The following DNAJC13 variants were observed in gnomAD, a reference collection of about 807,000 sequenced individuals.
DNAJC13 encodes dnaJ homolog subfamily C member 13.
A neutral mutation model predicts 290.5 loss-of-function variants in DNAJC13; 75 were observed. The observed-to-expected ratio is 0.26, with a 90% CI of 0.21 to 0.31. The LOEUF is 0.31. Ranked by LOEUF, DNAJC13 falls within the 10% of genes least tolerant of loss-of-function variation. The probability of loss-of-function intolerance (pLI) is 1.00; values close to 1 mark genes in which losing one functional copy is unlikely to be tolerated. For synonymous variants in DNAJC13, 862 were observed against 892.0 expected, an observed-to-expected ratio of 0.97 and a Z score of 0.60; for missense variants, 2,260 against 2,674.5, an observed-to-expected ratio of 0.85 and a Z score of 3.42.
intron 1 of DNAJC13, among the ~76,000 whole-genome samples, chr3:132,426,129 A>AT (rs1466768515): frequency 2.6e-5 from 4 of 152,208 alleles, no homozygotes; most frequent in Non-Finnish European, 2.9e-5. Flanking sequence ...ATGCAGTAGT[A>AT]TTCATTGAGA....
At chr3:132,529,088 C>G (rs1055463825) in intron 54 of DNAJC13, among the ~76,000 whole-genome samples, 4 of 152,110 alleles carry the variant, frequency 2.6e-5, no homozygotes, top group African/African-American at 7.2e-5. Flanking sequence ...CACCTCTGTA[C>G]CCATTCAGCA....
chr3:132,449,921 G>A (rs371518295), intron 5 of DNAJC13, among the ~76,000 whole-genome samples: 10 of 151,662 alleles, frequency 6.6e-5, no homozygotes, highest in Admixed American at 2.0e-4. Flanking sequence ...TTCTTCTTCC[G>A]TATCGCATCA....
chr3:132,449,709 A>C (rs991725206), intron 5 of DNAJC13, among the ~76,000 whole-genome samples: 3 of 152,128 alleles, frequency 2.0e-5, no homozygotes, highest in African/African-American at 7.2e-5. Context: ...ATAATTTCTT[A>C]TTTCAGTATC....
At chr3:132,518,351 G>A (rs1201977248) in intron 48 of DNAJC13, among the ~76,000 whole-genome samples, 4 of 152,132 alleles carry the variant, frequency 2.6e-5, no homozygotes, top group East Asian at 3.9e-4. Context: ...AACCGGGGTC[G>A]GTAAATTTTT....
chr3:132,518,288 T>G (rs897370294), intron 48 of DNAJC13, among the ~76,000 whole-genome samples: 1 of 152,240 alleles, frequency 6.6e-6, no homozygotes, highest in Admixed American at 6.5e-5. Context: ...ACACTTAAAC[T>G]TTCTGTATAG....
intron 20 of DNAJC13, among the ~76,000 whole-genome samples, chr3:132,468,589 C>T (rs1294416656): frequency 6.6e-6 from 1 of 152,166 alleles, no homozygotes; most frequent in Non-Finnish European, 1.5e-5. Context: ...AGCCTAGTTT[C>T]ATCACTTGTT....
At chr3:132,456,631 A>G (rs1278019156) in intron 11 of DNAJC13, 32 bp from the exon 12 acceptor site, 1 of 1,612,882 alleles carries the variant, frequency 6.2e-7, no homozygotes, top group African/African-American at 1.3e-5. Flanking sequence ...TTTGGTATGG[A>G]AACTTTTTTG....
chr3:132,450,303 C>G (rs942199548), intron 5 of DNAJC13, among the ~76,000 whole-genome samples: 1 of 151,986 alleles, frequency 6.6e-6, no homozygotes, highest in African/African-American at 2.4e-5. Flanking sequence ...GAAAGTAGAT[C>G]TTTTTTCCAG....
chr3:132,507,430 A>T, intron 43 of DNAJC13, 77 bp downstream of exon 43: 4 of 825,158 alleles, frequency 4.8e-6, no homozygotes, highest in Non-Finnish European at 8.0e-6. Flanking sequence ...TTCACACTTT[A>T]TAGAGGCACA....
At chr3:132,491,935 T>C (rs866041576) in intron 32 of DNAJC13, among the ~76,000 whole-genome samples, 2 of 152,302 alleles carry the variant, frequency 1.3e-5, no homozygotes, top group Admixed American at 6.5e-5. Flanking sequence ...TTCTTCTGTG[T>C]AATATTTTTC....
At chr3:132,446,438 T>A in intron 2 of DNAJC13, 37 bp from the exon 3 acceptor site, 1 of 1,490,176 alleles carries the variant, frequency 6.7e-7, no homozygotes, top group Non-Finnish European at 9.2e-7. Context: ...TATCTTTTTG[T>A]TTAAAACTAA....
chr3:132,487,907 T>C lies in DNAJC13; in HGVS notation c.3268-391T>C, dbSNP rs80325149. On this transcript the variant is annotated intron_variant, in intron 29 of 55. Coordinates refer to ENST00000260818, the MANE Select transcript of DNAJC13 (RefSeq NM_015268.4). ...TTTAGGCTGTTTTATTGATCATTAT[T>C]TTCTGCTCTGCTCCTTGAGTTCTCA... Among the ~76,000 whole-genome samples the C allele has an allele frequency of 2.6e-4, 39 of 152,268 alleles. 1 individual carries two copies. In the East Asian group the frequency reaches 7.5e-3, roughly 29 times the overall value.
intron 20 of DNAJC13, among the ~76,000 whole-genome samples, chr3:132,470,600 C>T (rs1934175401): frequency 7.0e-6 from 1 of 143,340 alleles, no homozygotes; most frequent in Non-Finnish European, 1.5e-5. Flanking sequence ...GACGGGGCGG[C>T]TGGCCGGGCG....
intron 2 of DNAJC13, among the ~76,000 whole-genome samples, chr3:132,441,294 G>A (rs1933061053): frequency 6.6e-6 from 1 of 152,216 alleles, no homozygotes; most frequent in Non-Finnish European, 1.5e-5. Flanking sequence ...GGGAACAGTT[G>A]TCAATATCTA....
chr3:132,502,500 G>A, intron 40 of DNAJC13, 32 bp downstream of exon 40: 1 of 1,558,256 alleles, frequency 6.4e-7, no homozygotes, highest in Non-Finnish European at 8.7e-7. Context: ...TATTGAATTT[G>A]AACCCAAACC....
chr3:132,514,357 T>C (rs1171466804), intron 45 of DNAJC13, among the ~76,000 whole-genome samples: 1 of 152,156 alleles, frequency 6.6e-6, no homozygotes, highest in African/African-American at 2.4e-5. Flanking sequence ...TTCTGGAGCA[T>C]GTATGGGTAT....
chr3:132,481,532 T>C (rs1397542410), intron 26 of DNAJC13, among the ~76,000 whole-genome samples: 1 of 152,170 alleles, frequency 6.6e-6, no homozygotes, highest in Non-Finnish European at 1.5e-5. Context: ...AGTGAGGCAT[T>C]TTTGTGCCAT....
At chr3:132,518,967 C>T (rs1356517346) in intron 48 of DNAJC13, among the ~76,000 whole-genome samples, 1 of 152,164 alleles carries the variant, frequency 6.6e-6, no homozygotes. Context: ...TTGTGACTGG[C>T]TTCCGTTGTT....
At chr3:132,429,046 T>A (rs1939177702) in intron 1 of DNAJC13, among the ~76,000 whole-genome samples, 1 of 152,250 alleles carries the variant, frequency 6.6e-6, no homozygotes, top group African/African-American at 2.4e-5. Flanking sequence ...AAATGTTTTT[T>A]AAGCTTATAT....
Sources: allele counts gnomAD v4.1 joint callset (sites outside exome capture counted in the v4.1 genomes callset), GRCh38; gene constraint gnomAD v4.1.1; transcripts MANE v1.5; gene names NCBI Gene and HGNC (gene_info 2026-07-23, HGNC 2026-07-21).